Variants in NXPE2 observed in about 807,000 individuals in gnomAD.
The protein encoded by NXPE2 is neurexophilin and PC-esterase domain family member 2, also known as NXPE family member 2.
In NXPE2, 34 loss-of-function variants were observed where a neutral mutation model predicts 34.4. The observed-to-expected ratio is 0.99, with a 90% CI of 0.75 to 1.31. The LOEUF is 1.31. NXPE2 is among the 40% of genes most tolerant of loss of function. The probability of loss-of-function intolerance (pLI) is 0.00; values close to 1 mark genes in which losing one functional copy is unlikely to be tolerated. For synonymous variants in NXPE2, 235 were observed against 231.3 expected (o/e 1.02, Z -0.15); for missense variants, 649 against 672.5 (o/e 0.97, Z 0.39).
At chr11:114,664,943 C>A in the NXPE2 span, among the ~76,000 whole-genome samples, 1 of 152,080 alleles carries the variant, frequency 6.6e-6, no homozygotes, top group Non-Finnish European at 1.5e-5. Flanking sequence ...GTGGGCTAGG[C>A]TAAGCTATGA....
intron 2 of NXPE2, among the ~76,000 whole-genome samples, chr11:114,686,593 C>CT (rs1951052487): frequency 6.6e-6 from 1 of 152,078 alleles, no homozygotes; most frequent in South Asian, 2.1e-4. Context: ...GAACAAATGT[C>CT]TTTTTGGTAG....
At chr11:114,811,206 G>T in the NXPE2 span, among the ~76,000 whole-genome samples, 1 of 112,886 alleles carries the variant, frequency 8.9e-6, no homozygotes, top group Non-Finnish European at 1.7e-5. Context: ...GAGGGGGGAG[G>T]GATAGCATCA....
the NXPE2 span, among the ~76,000 whole-genome samples, chr11:114,533,914 G>C: frequency 3.9e-5 from 6 of 152,354 alleles, no homozygotes; most frequent in East Asian, 1.9e-4. Flanking sequence ...AAATGTCCCT[G>C]TCTGACAGCT....
chr11:114,751,086 C>G, the NXPE2 span, among the ~76,000 whole-genome samples: 2 of 152,186 alleles, frequency 1.3e-5, no homozygotes, highest in African/African-American at 4.8e-5. Flanking sequence ...GAAATGACCA[C>G]TCCCTAGTTG....
chr11:114,678,319 T>C (rs545150127), upstream of NXPE2: 1 of 371,648 alleles, frequency 2.7e-6, no homozygotes, highest in South Asian at 4.2e-5. Context: ...GTGCTGCAAT[T>C]AGATGTCCAG....
chr11:114,502,179 C>T, the NXPE2 span, among the ~76,000 whole-genome samples: 8 of 152,124 alleles, frequency 5.3e-5, no homozygotes, highest in Non-Finnish European at 8.8e-5. Context: ...CATTTTATAT[C>T]TCTTGGGTGT....
At chr11:114,616,818 G>A in the NXPE2 span, among the ~76,000 whole-genome samples, 64 of 151,566 alleles carry the variant, frequency 4.2e-4, 3 homozygotes, top group African/African-American at 1.4e-3. Flanking sequence ...GTGTTGCCTC[G>A]TTGGTAACCA....
the NXPE2 span, among the ~76,000 whole-genome samples, chr11:114,812,079 T>G: frequency 6.6e-6 from 1 of 152,234 alleles, no homozygotes; most frequent in South Asian, 2.1e-4. Flanking sequence ...ATTATCCAGA[T>G]TAGCGTTGAG....
chr11:114,515,448 G>A, the NXPE2 span, among the ~76,000 whole-genome samples: 1 of 152,238 alleles, frequency 6.6e-6, no homozygotes, highest in African/African-American at 2.4e-5. Context: ...TTTCCTTTGA[G>A]GAAACTGAGA....
chr11:114,743,010 T>A, the NXPE2 span, among the ~76,000 whole-genome samples: 10 of 152,208 alleles, frequency 6.6e-5, no homozygotes, highest in African/African-American at 2.4e-4. Flanking sequence ...TAAGACTGAG[T>A]TTTGGCACCT....
chr11:114,469,138 G>A, the NXPE2 span, among the ~76,000 whole-genome samples: 1 of 70,954 alleles, frequency 1.4e-5, no homozygotes, highest in African/African-American at 5.1e-5. Flanking sequence ...TTTTTGAGCT[G>A]GAGTCTTGCT....
At chr11:114,803,584 CT>C in the NXPE2 span, among the ~76,000 whole-genome samples, 5 of 144,586 alleles carry the variant, frequency 3.5e-5, no homozygotes, top group East Asian at 6.1e-4. Flanking sequence ...CTCTCTCTCT[CT>C]TTTTTTTTTT....
At chr11:114,476,100 T>C in the NXPE2 span, among the ~76,000 whole-genome samples, 3 of 152,216 alleles carry the variant, frequency 2.0e-5, no homozygotes, top group African/African-American at 7.2e-5. Flanking sequence ...GAGGGATTGG[T>C]GTTAATTAAA....
chr11:114,657,182 C>A, the NXPE2 span, among the ~76,000 whole-genome samples: 2 of 152,166 alleles, frequency 1.3e-5, no homozygotes, highest in Non-Finnish European at 2.9e-5. Flanking sequence ...ATGCTAGGAC[C>A]TCCACATGGA....
chr11:114,469,109 C>CTTTTTGTTTTTT, the NXPE2 span, among the ~76,000 whole-genome samples: 1 of 88,864 alleles, frequency 1.1e-5, no homozygotes, highest in African/African-American at 5.1e-5. Context: ...ACAGTGCTAG[C>CTTTTTGTTTTTT]TTTTTTTTTT....
At chr11:114,616,882 T>C in the NXPE2 span, among the ~76,000 whole-genome samples, 5 of 151,880 alleles carry the variant, frequency 3.3e-5, 1 homozygote, top group African/African-American at 1.2e-4. Flanking sequence ...TGTTACCCGC[T>C]GGATACTAGG....
At chr11:114,771,614 A>G in the NXPE2 span, among the ~76,000 whole-genome samples, 2 of 152,112 alleles carry the variant, frequency 1.3e-5, no homozygotes, top group Non-Finnish European at 2.9e-5. Flanking sequence ...AGTCCTCGTG[A>G]GTGCTCACTC....
At chr11:114,801,774 GT>G in the NXPE2 span, among the ~76,000 whole-genome samples, 2 of 152,156 alleles carry the variant, frequency 1.3e-5, no homozygotes, top group African/African-American at 4.8e-5. Flanking sequence ...GACGAGTCAG[GT>G]TTCTGGACTG....
the NXPE2 span, among the ~76,000 whole-genome samples, chr11:114,645,522 T>C: frequency 6.6e-6 from 1 of 152,114 alleles, no homozygotes; most frequent in Non-Finnish European, 1.5e-5. Flanking sequence ...GAAGAAAATG[T>C]TGATAAATTT....
Sources: gnomAD v4.1 joint callset for allele counts (sites outside exome capture counted in the v4.1 genomes callset) on GRCh38, gnomAD v4.1.1 for gene constraint, MANE v1.5 for transcripts, NCBI Gene and HGNC (gene_info 2026-07-23, HGNC 2026-07-21) for gene names.